PSTPIP1: variants seen among roughly 807,000 people sequenced by gnomAD.
The protein encoded by PSTPIP1 is proline-serine-threonine phosphatase interacting protein 1.
PSTPIP1 carries 66 observed loss-of-function variants against 69.6 expected under a neutral mutation model. The observed-to-expected ratio is 0.95, with a 90% CI of 0.78 to 1.16. PSTPIP1 has a LOEUF of 1.16. Ranked by LOEUF, PSTPIP1 falls within the 50% of genes most tolerant of loss-of-function variation. The probability of loss-of-function intolerance (pLI) is 0.00; values close to 1 mark genes in which losing one functional copy is unlikely to be tolerated. For missense variants in PSTPIP1, 603 were observed against 557.4 expected (o/e 1.08, Z -0.82); for synonymous variants, 266 against 222.7 (o/e 1.19, Z -1.73).
chr15:77,000,474 T>TACAC (rs1392298244), intron 1 of PSTPIP1, among the ~76,000 whole-genome samples: 123 of 145,310 alleles, frequency 8.5e-4, no homozygotes, highest in East Asian at 1.8e-3. Flanking sequence ...TATATATATA[T>TACAC]ATACACACAC....
At chr15:77,011,565 A>G (rs2075935079) in intron 1 of PSTPIP1, among the ~76,000 whole-genome samples, 1 of 152,174 alleles carries the variant, frequency 6.6e-6, no homozygotes, top group Non-Finnish European at 1.5e-5. Flanking sequence ...ATTAATGCAC[A>G]TTTGTTCTCT....
Position 77,032,939 on chromosome 15 carries a change from G to C in PSTPIP1, c.916G>C (p.Gly306Arg), listed in dbSNP as rs374204996. The stretch of plus-strand genomic sequence containing the variant: ...CAGCCCTGGCATACAGCCGTCCTGC[G>C]GCATGATAAAGAGGTGAGGCCCCGA... ...TSSPGIQPSC[G>R]MIKRFSGLLH... The change falls in exon 12 of 15, where the codon GGC becomes CGC. Residue 306 changes from glycine to arginine, a missense_variant. Transcript: ENST00000558012. 15 of 1,602,734 alleles carry C rather than the reference G, an allele frequency of 9.4e-6. No homozygotes were observed. The highest frequency in any genetic ancestry group is 1.7e-5 in the Admixed American group (1 of 58,872).
intron 14 of PSTPIP1, among the ~76,000 whole-genome samples, chr15:77,036,257 T>C (rs1210426198): frequency 6.6e-6 from 1 of 152,146 alleles, no homozygotes; most frequent in East Asian, 1.9e-4. Flanking sequence ...CATGTACCTA[T>C]GCCGTCCACA....
rs1015343124 is a variant in PSTPIP1 at position 77,027,852 on chromosome 15, T to C, written c.355T>C (p.Tyr119His). ...GCTCAGAACCTCGTGTCCCCTGCAG[T>C]ATGAGGCCGTCATGGACCGGGTCCA... Reference protein sequence around the residue: ...RERQKEQRKKYEAVMDRVQKS... With the variant: ...RERQKEQRKKHEAVMDRVQKS... The change falls in exon 6 of 15, where the codon TAT becomes CAT. Residue 119 changes from tyrosine (Y) to histidine (H), a missense_variant and splice_region_variant. Coordinates refer to ENST00000558012, the MANE Select transcript of PSTPIP1 (RefSeq NM_003978.5). This position sits in a 1 kb window ranked among gnomAD's most constrained non-coding sequence, Gnocchi z 4.3. The C allele has an allele frequency of 2.6e-6, 4 of 1,564,964 alleles. No homozygotes were observed. Among genetic ancestry groups the C allele is most frequent in the Non-Finnish European group, 3.5e-6 (4 of 1,155,586 alleles).
At chr15:77,035,471 G>A (rs2076537330) in intron 12 of PSTPIP1, 37 bp from the exon 13 acceptor site, 1 of 1,560,784 alleles carries the variant, frequency 6.4e-7, no homozygotes, top group Non-Finnish European at 8.7e-7. Context: ...CTGAGTGTGG[G>A]GCGGGGACAC....
intron 1 of PSTPIP1, among the ~76,000 whole-genome samples, chr15:76,996,626 C>A (rs931627506): frequency 1.3e-5 from 2 of 152,246 alleles, no homozygotes; most frequent in East Asian, 3.8e-4. Context: ...CCCTTCCGGC[C>A]GGCTCCACTT....
At chr15:77,031,114 G>A in intron 9 of PSTPIP1, 66 bp from the exon 10 acceptor site, 1 of 1,456,772 alleles carries the variant, frequency 6.9e-7, no homozygotes, top group Non-Finnish European at 9.6e-7. Context: ...AGCTGTGAAT[G>A]GGGCCCAGCC....
chr15:76,996,243 C>T (rs143432050), intron 1 of PSTPIP1, among the ~76,000 whole-genome samples: 46 of 152,302 alleles, frequency 3.0e-4, no homozygotes, highest in East Asian at 7.7e-4. Context: ...AAATTCAACA[C>T]GGGCTTAAAT....
chr15:76,995,589 C>A lies in PSTPIP1; in HGVS notation c.16C>A (p.Gln6Lys), dbSNP rs1258036988. MMPQL[Q>K]FKDAFWCRDF... ...ACGCCTGAGGATGATGCCCCAGCTGCAGTTCAAAGATGCCTTTTGGGTGAG... is the reference window on the plus strand; with the variant it reads ...ACGCCTGAGGATGATGCCCCAGCTGAAGTTCAAAGATGCCTTTTGGGTGAG... The change falls in exon 1 of 15, where the codon CAG (glutamine) becomes AAG (lysine). Residue 6 changes from glutamine to lysine, a missense_variant. Transcript: ENST00000558012. 1 of 1,613,822 alleles carries A rather than the reference C, an allele frequency of 6.2e-7. No homozygotes were observed.
At chr15:77,035,430 C>T in intron 12 of PSTPIP1, 78 bp from the exon 13 acceptor site, 1 of 1,439,810 alleles carries the variant, frequency 6.9e-7, no homozygotes. Flanking sequence ...TGAGACCTCT[C>T]CCTGTCTAAA....
intron 12 of PSTPIP1, 118 bp from the exon 13 acceptor site, chr15:77,035,390 G>A (rs2076534517): frequency 1.8e-6 from 2 of 1,111,844 alleles, no homozygotes; most frequent in Admixed American, 2.0e-5. Context: ...GCTAGGGGCA[G>A]TCCCAGCCCT....
chr15:77,013,422 C>T (rs182225563), intron 1 of PSTPIP1, among the ~76,000 whole-genome samples: 2 of 152,256 alleles, frequency 1.3e-5, no homozygotes, highest in East Asian at 3.9e-4. Flanking sequence ...GGTGGTGGGG[C>T]ACAGGCCGTG....
chr15:77,029,488 T>G, intron 7 of PSTPIP1, 41 bp from the exon 8 acceptor site: 1 of 1,556,532 alleles, frequency 6.4e-7, no homozygotes, highest in South Asian at 1.2e-5. Flanking sequence ...CCCTGGCTCC[T>G]GGGGCAGGGG....
rs1209378240 is a variant in PSTPIP1, at chr15:77,027,899, CAAG to C, written c.406_408del (p.Lys136del). On this transcript the variant is annotated inframe_deletion, in exon 6 of 15. Transcript: ENST00000558012. The surrounding 1 kb of genome is among the most constrained non-coding windows in gnomAD (Gnocchi z 4.3). ...TCCAGAAGAGCAAGCTGTCGCTCTA[CAAG>C]AAGGCCATGGAGGTGAGCGCCAGGG... The C allele has an allele frequency of 5.8e-6, 9 of 1,564,406 alleles. No individual in the cohort carries two copies. Among genetic ancestry groups the C allele is most frequent in the African/African-American group, 1.4e-5 (1 of 73,690 alleles).
chr15:76,995,379 C>T lies in PSTPIP1; in HGVS notation c.-195C>T. 1 of 1,440,152 alleles carries T rather than the reference C, an allele frequency of 6.9e-7. No individual in the cohort carries two copies. The allele number at this position is 1,440,152 out of a possible 1,614,324, so 89.2% of individuals were successfully genotyped here. A position where few individuals can be genotyped will look rare whatever the true frequency, so the allele number is the denominator to read the frequency against. ...CTGCTGATTCTAGCCCCAAACAAAA[C>T]AGGTTGAGCTTTTTCCTCCCCTCAG... On this transcript the variant is annotated 5_prime_UTR_variant, in exon 1 of 15. Coordinates refer to ENST00000558012, the MANE Select transcript of PSTPIP1 (RefSeq NM_003978.5).
In PSTPIP1 at chr15:77,037,150, C is replaced by G. The variant is rs756621016; in HGVS notation, c.1225C>G (p.Pro409Ala). Residue 409 changes from proline (P) to alanine (A), a missense_variant, in exon 15 of 15, where the codon CCT (proline) becomes GCT (alanine). Physicochemically the swap from Pro to Ala is conservative, Grantham distance 27. Coordinates refer to ENST00000558012, the MANE Select transcript of PSTPIP1 (RefSeq NM_003978.5). ...GAGGAACGGGCAGCGTGGCTTCGTC[C>G]CTGGTTCCTACCTGGAGAAGCTTTG... ...VERNGQRGFVPGSYLEKL is the reference protein window; with the variant it reads ...VERNGQRGFVAGSYLEKL 3 of 1,610,796 alleles carry G rather than the reference C, an allele frequency of 1.9e-6. No individual in the cohort carries two copies. In the South Asian group the frequency reaches 3.3e-5, roughly 18 times the overall value.
intron 1 of PSTPIP1, chr15:77,016,053 G>A: frequency 2.2e-6 from 1 of 456,288 alleles, no homozygotes; most frequent in South Asian, 1.5e-5. Flanking sequence ...CAGGAGAAGG[G>A]TTCCCTTGGC....
intron 1 of PSTPIP1, chr15:77,015,830 G>A: frequency 2.3e-6 from 1 of 438,012 alleles, no homozygotes; most frequent in Non-Finnish European, 4.6e-6. Flanking sequence ...GAACATCCCA[G>A]TCCTTGTGAC....
At chr15:77,001,104 A>AT (rs989880324) in intron 1 of PSTPIP1, among the ~76,000 whole-genome samples, 2 of 151,784 alleles carry the variant, frequency 1.3e-5, no homozygotes, top group Admixed American at 1.3e-4. Context: ...CCATGCTGTG[A>AT]TTTTTTTTGC....
Sources: allele counts gnomAD v4.1 joint callset (sites outside exome capture counted in the v4.1 genomes callset), GRCh38; gene constraint gnomAD v4.1.1; non-coding constraint Gnocchi (gnomAD v3.1); transcripts MANE v1.5; gene names NCBI Gene and HGNC (gene_info 2026-07-23, HGNC 2026-07-21).